Variants in MSI2 observed in about 807,000 individuals in gnomAD.
MSI2 encodes RNA-binding protein Musashi homolog 2.
A neutral mutation model predicts 45.6 loss-of-function variants in MSI2; 17 were observed. That is an observed-to-expected ratio of 0.37 (90% CI 0.26 to 0.56). MSI2 has a LOEUF of 0.56. MSI2 is among the 20% of genes least tolerant of loss of function. The pLI is 0.77. For missense variants in MSI2, 293 were observed against 444.2 expected, an observed-to-expected ratio of 0.66 and a Z score of 3.06; for synonymous variants, 156 against 158.2, an observed-to-expected ratio of 0.99 and a Z score of 0.11.
intron 6 of MSI2, among the ~76,000 whole-genome samples, chr17:57,518,747 A>ACTCCC (rs1377405132): frequency 6.7e-6 from 1 of 150,110 alleles, no homozygotes; most frequent in Non-Finnish European, 1.5e-5. Context: ...CCTGCCTGCC[A>ACTCCC]CTCCCCTCCC....
intron 5 of MSI2, among the ~76,000 whole-genome samples, chr17:57,369,285 C>T (rs2083386687): frequency 6.6e-6 from 1 of 152,192 alleles, no homozygotes. Flanking sequence ...ACCATTCCTT[C>T]TTTACACCAT....
intron 5 of MSI2, among the ~76,000 whole-genome samples, chr17:57,329,792 G>A (rs187896628): frequency 2.6e-5 from 4 of 152,270 alleles, no homozygotes; most frequent in Admixed American, 6.5e-5. Context: ...TCCGAGTTAC[G>A]TAATTTTGCA....
chr17:57,351,645 C>G (rs1020523414), intron 5 of MSI2, among the ~76,000 whole-genome samples: 4 of 152,148 alleles, frequency 2.6e-5, no homozygotes, highest in Non-Finnish European at 5.9e-5. Flanking sequence ...CATCTGAGGT[C>G]AGGAGTTTGA....
At chr17:57,424,772 G>C (rs1487558660) in intron 6 of MSI2, among the ~76,000 whole-genome samples, 1 of 152,108 alleles carries the variant, frequency 6.6e-6, no homozygotes, top group Non-Finnish European at 1.5e-5. Context: ...TGTGGCCTCT[G>C]TGCCTGATGA....
At chr17:57,632,327 TAAG>T in intron 10 of MSI2, 1 of 1,067,692 alleles carries the variant, frequency 9.4e-7, no homozygotes, top group Non-Finnish European at 1.1e-6. Flanking sequence ...GACTATTCTC[TAAG>T]AATGTGAGAA....
intron 5 of MSI2, among the ~76,000 whole-genome samples, chr17:57,381,739 A>G (rs1328127796): frequency 1.3e-5 from 2 of 152,220 alleles, no homozygotes; most frequent in South Asian, 2.1e-4. Flanking sequence ...TTCAGTAGCC[A>G]TGTGTGGCTG....
intron 5 of MSI2, chr17:57,286,139 T>C (rs1909855154): frequency 1.6e-6 from 1 of 619,192 alleles, no homozygotes; most frequent in Admixed American, 3.8e-5. Flanking sequence ...ATCTCATTTT[T>C]GGGATTTTGA....
At chr17:57,668,326 T>A (rs62058157) in intron 11 of MSI2, among the ~76,000 whole-genome samples, 86 of 152,064 alleles carry the variant, frequency 5.7e-4, no homozygotes, top group Non-Finnish European at 5.7e-4. Flanking sequence ...TAGAACTGGC[T>A]AATAGTGATA....
rs371353946 is a variant in MSI2, at chr17:57,414,051, G to A, written c.405+12580G>A. 1.1e-3 allele frequency among the ~76,000 whole-genome samples: 165 copies of A among 150,340 alleles called. 3 individuals are homozygous for A. The highest frequency in any genetic ancestry group is 3.0e-3 in the African/African-American group (118 of 39,726). On this transcript the variant is annotated intron_variant, in intron 6 of 13. Transcript: ENST00000284073. ...TTAACAAGCATGGGGTGTGGGTGGC[G>A]GAGGACCAGCCAAAAGCAAGCAAGG... is the stretch of plus-strand genomic sequence containing the variant.
intron 5 of MSI2, among the ~76,000 whole-genome samples, chr17:57,352,590 T>C (rs1298313389): frequency 6.6e-6 from 1 of 152,132 alleles, no homozygotes. Context: ...CTCACAAAGG[T>C]CTGTGATTTT....
At chr17:57,340,628 C>A (rs958590474) in intron 5 of MSI2, among the ~76,000 whole-genome samples, 14 of 152,122 alleles carry the variant, frequency 9.2e-5, no homozygotes, top group Non-Finnish European at 1.5e-5. Flanking sequence ...ACCGCAGAAG[C>A]CTCCCCAGCA....
chr17:57,564,613 T>C (rs1311804983), intron 7 of MSI2, among the ~76,000 whole-genome samples: 1 of 152,204 alleles, frequency 6.6e-6, no homozygotes, highest in African/African-American at 2.4e-5. Context: ...GCTCCAGCCC[T>C]AATAGGAGAC....
At chr17:57,518,050 C>T (rs1211273486) in intron 6 of MSI2, among the ~76,000 whole-genome samples, 1 of 152,092 alleles carries the variant, frequency 6.6e-6, no homozygotes, top group African/African-American at 2.4e-5. Context: ...AGAGCTCTCC[C>T]TCTCCCTCAG....
chr17:57,638,505 G>A (rs1910003626), intron 10 of MSI2, among the ~76,000 whole-genome samples: 1 of 152,204 alleles, frequency 6.6e-6, no homozygotes, highest in African/African-American at 2.4e-5. Context: ...AGAGGGAGCC[G>A]TTGACTCTGC....
At chr17:57,483,447 C>G (rs548730967) in intron 6 of MSI2, among the ~76,000 whole-genome samples, 1 of 152,168 alleles carries the variant, frequency 6.6e-6, no homozygotes. Context: ...AAATGACTGG[C>G]GCCCCCCAAA....
chr17:57,410,585 A>G (rs1215314518), intron 6 of MSI2, among the ~76,000 whole-genome samples: 1 of 80,908 alleles, frequency 1.2e-5, no homozygotes, highest in Non-Finnish European at 2.9e-5. Context: ...ATAAGGATTT[A>G]ATTAAATTAA....
intron 5 of MSI2, among the ~76,000 whole-genome samples, chr17:57,362,739 C>T (rs1916901858): frequency 6.6e-6 from 1 of 151,722 alleles, no homozygotes; most frequent in African/African-American, 2.4e-5. Context: ...CTGATATTTT[C>T]TACTTGAAAA....
chr17:57,293,414 C>T (rs1167608329), intron 5 of MSI2, among the ~76,000 whole-genome samples: 1 of 152,156 alleles, frequency 6.6e-6, no homozygotes, highest in Non-Finnish European at 1.5e-5. Context: ...GCACTGCGAT[C>T]CTGATGTGGA....
chr17:57,483,159 C>G (rs2085681692), intron 6 of MSI2, among the ~76,000 whole-genome samples: 1 of 152,116 alleles, frequency 6.6e-6, no homozygotes, highest in Non-Finnish European at 1.5e-5. Context: ...GCTATTATCC[C>G]TCTTGCATTG....
Sources: gnomAD v4.1 joint callset for allele counts (sites outside exome capture counted in the v4.1 genomes callset) on GRCh38, gnomAD v4.1.1 for gene constraint, MANE v1.5 for transcripts, NCBI Gene and HGNC (gene_info 2026-07-23, HGNC 2026-07-21) for gene names.